CA5B: variants seen among roughly 807,000 people sequenced by gnomAD.
The protein encoded by CA5B is carbonic anhydrase 5B.
A neutral mutation model predicts 23.1 loss-of-function variants in CA5B; 15 were observed. That is an observed-to-expected ratio of 0.65 (90% CI 0.43 to 1.00). The LOEUF is 1.00. Among genes scored for constraint, CA5B ranks in the 50% least tolerant of loss-of-function variants. The pLI is 0.00. For missense variants in CA5B, 236 were observed against 252.2 expected (o/e 0.94, Z 0.43); for synonymous variants, 84 against 98.5 (o/e 0.85, Z 0.87).
In CA5B at chrX:15,750,006, C is replaced by A. The variant is rs1467619377; in HGVS notation, c.-18C>A. ...TCCTGCAACTTAACTGGGAACTGAT[C>A]AAGATTTCAAGCTAAAGATGGTGGT... On this transcript the variant is annotated 5_prime_UTR_variant, in exon 2 of 8. Coordinates refer to ENST00000318636, the MANE Select transcript of CA5B (RefSeq NM_007220.4). 1.7e-6 allele frequency: 2 copies of A among 1,208,351 alleles called. No homozygotes were observed. The highest frequency in any genetic ancestry group is 3.5e-5 in the African/African-American group (2 of 57,680).
intron 3 of CA5B, among the ~76,000 whole-genome samples, chrX:15,768,165 G>T (rs1012604775): frequency 9.1e-6 from 1 of 110,132 alleles, no homozygotes; most frequent in Non-Finnish European, 1.9e-5. Context: ...CCAAAGTGCT[G>T]AGATTATAGG....
chrX:15,745,323 T>C (rs1293466407), intron 1 of CA5B, among the ~76,000 whole-genome samples: 1 of 111,003 alleles, frequency 9.0e-6, no homozygotes, highest in Non-Finnish European at 1.9e-5. Flanking sequence ...AGAGACAAAG[T>C]AAAAGCGAGA....
intron 2 of CA5B, 82 bp downstream of exon 2, chrX:15,750,247 GAGAAA>G (rs1931330002): frequency 1.6e-5 from 13 of 826,606 alleles, no homozygotes; most frequent in South Asian, 2.5e-5. Flanking sequence ...TAGAAAAAAA[GAGAAA>G]AGAAAAGAGG....
chrX:15,771,204 C>CAAAAAAAAAAA (rs758945690), intron 3 of CA5B, among the ~76,000 whole-genome samples: 1 of 30,189 alleles, frequency 3.3e-5, no homozygotes, highest in Non-Finnish European at 5.7e-5. Context: ...CTCATCTCTA[C>CAAAAAAAAAAA]AAAAAAAAAA....
At chrX:15,755,290 A>G (rs756292332) in intron 2 of CA5B, among the ~76,000 whole-genome samples, 21 of 112,126 alleles carry the variant, frequency 1.9e-4, no homozygotes, top group Non-Finnish European at 3.0e-4. Flanking sequence ...ACTGACCATC[A>G]GGAAATGTGG....
In CA5B at chrX:15,743,746, G is replaced by A. The variant is rs187090510; in HGVS notation, c.-54+5394G>A. ...CAAATTAATCTCAAATCCTCATCTAGCCCCACCTCCTGCTGCATCCCCTGG... is the reference window on the plus strand; with the variant it reads ...CAAATTAATCTCAAATCCTCATCTAACCCCACCTCCTGCTGCATCCCCTGG... On this transcript the variant is annotated intron_variant, in intron 1 of 7. Transcript: ENST00000318636. Among the ~76,000 whole-genome samples, 338 of 111,172 alleles carry A rather than the reference G, an allele frequency of 3.0e-3. 1 individual carries two copies. The highest frequency in any genetic ancestry group is 5.0e-3 in the Non-Finnish European group (267 of 53,094).
At position 15,781,666 on chromosome X, in the gene CA5B, A is replaced by G. The variant is rs182749843; in HGVS notation, c.775-819A>G. On this transcript the variant is annotated intron_variant, in intron 7 of 7. Transcript: ENST00000318636. ...GGTAGCTCACACCTGTAATCCCAGC[A>G]CTTTGGGAGACCTAGCTGGGAGGAT... 2.6e-3 allele frequency among the ~76,000 whole-genome samples: 294 copies of G among 111,552 alleles called. 1 individual carries two copies. Among genetic ancestry groups the G allele is most frequent in the Non-Finnish European group, 3.4e-3 (178 of 53,106 alleles).
chrX:15,773,529 C>T (rs1931861999), intron 4 of CA5B, among the ~76,000 whole-genome samples: 1 of 107,461 alleles, frequency 9.3e-6, no homozygotes, highest in South Asian at 4.2e-4. Flanking sequence ...CCTGTCTCAG[C>T]CCCCCAAGTA....
intron 6 of CA5B, among the ~76,000 whole-genome samples, chrX:15,776,354 A>G (rs746734089): frequency 1.7e-4 from 18 of 108,308 alleles, no homozygotes; most frequent in Middle Eastern, 4.7e-3. Flanking sequence ...AAAAAAAAAA[A>G]AAAGAAAAAA....
At chrX:15,750,879 T>C (rs947079278) in intron 2 of CA5B, among the ~76,000 whole-genome samples, 6 of 111,433 alleles carry the variant, frequency 5.4e-5, no homozygotes, top group Non-Finnish European at 1.1e-4. Flanking sequence ...GGATGGATCA[T>C]TGTGTGTTGT....
intron 1 of CA5B, among the ~76,000 whole-genome samples, chrX:15,748,094 T>A (rs148211988): frequency 2.7e-5 from 3 of 112,075 alleles, no homozygotes; most frequent in Admixed American, 9.4e-5. Context: ...GGAAGGCTGG[T>A]CGCCCCACCC....
intron 3 of CA5B, among the ~76,000 whole-genome samples, chrX:15,770,784 T>C (rs1228227460): frequency 9.1e-6 from 1 of 109,362 alleles, no homozygotes; most frequent in Non-Finnish European, 1.9e-5. Context: ...ATTTTTATTT[T>C]TTAGAAAGAG....
chrX:15,761,067 A>G (rs1214281864), intron 2 of CA5B, among the ~76,000 whole-genome samples: 1 of 112,095 alleles, frequency 8.9e-6, no homozygotes, highest in African/African-American at 3.2e-5. Context: ...ACGGTATATT[A>G]TATGTTATTG....
chrX:15,767,584 GTTTGTT>G (rs1036913977), intron 3 of CA5B, among the ~76,000 whole-genome samples: 5 of 108,086 alleles, frequency 4.6e-5, no homozygotes, highest in African/African-American at 6.8e-5. Flanking sequence ...TTGTTTGTTT[GTTTGTT>G]TTTGTTTTTG....
intron 6 of CA5B, 35 bp downstream of exon 6, chrX:15,775,343 CT>C: frequency 8.6e-7 from 1 of 1,169,286 alleles, no homozygotes. Flanking sequence ...TTGAAATATA[CT>C]TTTATGTTTC....
intron 4 of CA5B, among the ~76,000 whole-genome samples, chrX:15,773,505 G>T (rs1374812091): frequency 9.8e-6 from 1 of 102,254 alleles, no homozygotes; most frequent in Non-Finnish European, 2.0e-5. Context: ...TGCCTCCCGG[G>T]TTCACACCAT....
At chrX:15,777,538 C>T (rs182464656) in intron 7 of CA5B, among the ~76,000 whole-genome samples, 2 of 110,902 alleles carry the variant, frequency 1.8e-5, no homozygotes, top group African/African-American at 6.5e-5. Flanking sequence ...ATTGGACCCC[C>T]CTCTGAAGAA....
intron 7 of CA5B, among the ~76,000 whole-genome samples, chrX:15,779,065 A>G (rs1459157895): frequency 1.8e-5 from 2 of 111,940 alleles, no homozygotes; most frequent in Non-Finnish European, 3.8e-5. Flanking sequence ...ATCATAAGGT[A>G]TTGGCTATGT....
chrX:15,742,373 T>G (rs867974073), intron 1 of CA5B, among the ~76,000 whole-genome samples: 5 of 89,356 alleles, frequency 5.6e-5, no homozygotes, highest in Non-Finnish European at 6.8e-5. Context: ...TCTGTTTTTT[T>G]GGGTTTTTTT....
Sources: gnomAD v4.1 joint callset for allele counts (sites outside exome capture counted in the v4.1 genomes callset) on GRCh38, gnomAD v4.1.1 for gene constraint, MANE v1.5 for transcripts, NCBI Gene and HGNC (gene_info 2026-07-23, HGNC 2026-07-21) for gene names.